UPP2: variants seen among roughly 807,000 people sequenced by gnomAD.
UPP2 encodes the protein uridine phosphorylase 2.
UPP2 carries 23 observed loss-of-function variants against 26.7 expected under a neutral mutation model. That is an observed-to-expected ratio of 0.86 (90% CI 0.62 to 1.22). The LOEUF (loss-of-function observed/expected upper bound fraction) is 1.22, where lower values mean the gene tolerates loss of function less well. Ranked by LOEUF, UPP2 falls within the 50% of genes most tolerant of loss-of-function variation. The pLI, the probability that UPP2 is intolerant of heterozygous loss-of-function variation, is 0.00. For synonymous variants in UPP2, 127 were observed against 141.3 expected, an observed-to-expected ratio of 0.90 and a Z score of 0.72; for missense variants, 387 against 396.7, an observed-to-expected ratio of 0.98 and a Z score of 0.21.
chr2:158,086,975 G>A (rs1016063987), intron 3 of UPP2, among the ~76,000 whole-genome samples: 1 of 151,956 alleles, frequency 6.6e-6, no homozygotes, highest in Non-Finnish European at 1.5e-5. Context: ...GCAGTTGTTG[G>A]GTATAATGTT....
intron 6 of UPP2, among the ~76,000 whole-genome samples, chr2:158,129,923 G>A (rs1012769097): frequency 6.6e-6 from 1 of 152,032 alleles, no homozygotes; most frequent in African/African-American, 2.4e-5. Context: ...ATACAACCAC[G>A]AATTTGTGTG....
At chr2:158,105,988 C>T (rs1044620289) in intron 1 of UPP2, 111 bp from the exon 2 acceptor site, 23 of 781,390 alleles carry the variant, frequency 2.9e-5, no homozygotes, top group Middle Eastern at 3.8e-4. Context: ...TACTACATTG[C>T]TTCTCAACAA....
chr2:158,001,792 C>T (rs906527367), intron 2 of UPP2, among the ~76,000 whole-genome samples: 2 of 151,912 alleles, frequency 1.3e-5, no homozygotes. Context: ...GATTGCTAGC[C>T]ATAGTCTGGT....
At chr2:158,013,755 T>A (rs1043462477) in intron 2 of UPP2, among the ~76,000 whole-genome samples, 6 of 152,170 alleles carry the variant, frequency 3.9e-5, no homozygotes, top group African/African-American at 1.4e-4. Flanking sequence ...AAAAACACCT[T>A]TAAGCAGCAG....
chr2:158,124,193 T>G (rs1683639144), intron 6 of UPP2, among the ~76,000 whole-genome samples: 1 of 152,190 alleles, frequency 6.6e-6, no homozygotes, highest in Non-Finnish European at 1.5e-5. Flanking sequence ...CTATTACAAT[T>G]GAATTTATTG....
rs188375060 is a variant in UPP2, at chr2:158,090,972, G to A, written c.148-11068G>A. On this transcript the variant is annotated intron_variant, in intron 3 of 9. Transcript: ENST00000605860. ...AAACTCTGTACCTTCAGTGAAAGAG[G>A]GCTAACATCCCAATGACTGTCTTGA... Among the ~76,000 whole-genome samples, 4 of 152,184 alleles carry A rather than the reference G, an allele frequency of 2.6e-5. No homozygotes were observed. In the East Asian group the frequency reaches 5.8e-4, roughly 22 times the overall value.
intron 3 of UPP2, among the ~76,000 whole-genome samples, chr2:158,093,096 T>C (rs1015904312): frequency 1.3e-5 from 2 of 152,070 alleles, no homozygotes; most frequent in Non-Finnish European, 2.9e-5. Context: ...AATTCTTGTA[T>C]TTTTAGTAGA....
intron 3 of UPP2, among the ~76,000 whole-genome samples, chr2:158,064,400 G>T (rs544998511): frequency 2.0e-5 from 3 of 151,794 alleles, no homozygotes; most frequent in Admixed American, 6.6e-5. Context: ...ATCTTCTTTT[G>T]AGAAGTGTCT....
intron 3 of UPP2, among the ~76,000 whole-genome samples, chr2:158,083,572 G>A (rs1346349438): frequency 6.6e-6 from 1 of 151,966 alleles, no homozygotes; most frequent in African/African-American, 2.4e-5. Flanking sequence ...GGGGGTTAGG[G>A]GAGGGGTAGC....
intron 3 of UPP2, among the ~76,000 whole-genome samples, chr2:158,045,241 G>C (rs564229700): frequency 6.6e-6 from 1 of 152,196 alleles, no homozygotes; most frequent in Non-Finnish European, 1.5e-5. Context: ...CTGAGGTATA[G>C]AGATGATACC....
intron 2 of UPP2, among the ~76,000 whole-genome samples, chr2:158,011,487 C>T (rs1437282470): frequency 6.6e-6 from 1 of 152,050 alleles, no homozygotes; most frequent in African/African-American, 2.4e-5. Flanking sequence ...TGAAAAAAAG[C>T]TAGGGAAGAA....
intron 3 of UPP2, among the ~76,000 whole-genome samples, chr2:158,085,873 C>A (rs1682806884): frequency 6.6e-6 from 1 of 151,848 alleles, no homozygotes; most frequent in South Asian, 2.1e-4. Flanking sequence ...GCTGGATTAT[C>A]TTTTTGATAT....
chr2:158,089,064 G>A (rs1338183837), intron 3 of UPP2, among the ~76,000 whole-genome samples: 1 of 152,104 alleles, frequency 6.6e-6, no homozygotes. Flanking sequence ...TATGTCCTTT[G>A]TCTTTGGCTA....
At chr2:158,056,296 A>G (rs1240628518) in intron 3 of UPP2, among the ~76,000 whole-genome samples, 1 of 152,090 alleles carries the variant, frequency 6.6e-6, no homozygotes, top group African/African-American at 2.4e-5. Flanking sequence ...CCCATTATTA[A>G]TATCTTATAT....
In UPP2 at chr2:158,119,395, A is replaced by G. The variant is rs570536370; in HGVS notation, c.454+1457A>G. On this transcript the variant is annotated intron_variant, in intron 4 of 6. Transcript: ENST00000005756. ...TCATTTTGAAGTTTTATCCTCATTA[A>G]GAACTCTTAGCTTACCAAAAAGATG... Among the ~76,000 whole-genome samples, 21 of 152,196 alleles carry G rather than the reference A, an allele frequency of 1.4e-4. 1 individual carries two copies. The highest frequency in any genetic ancestry group is 4.8e-4 in the African/African-American group (20 of 41,562).
intron 3 of UPP2, among the ~76,000 whole-genome samples, chr2:158,077,747 C>T (rs1437678830): frequency 6.6e-6 from 1 of 152,022 alleles, no homozygotes; most frequent in East Asian, 1.9e-4. Context: ...AAACTACAAG[C>T]ACAGGCAACC....
intron 3 of UPP2, among the ~76,000 whole-genome samples, chr2:158,057,821 G>A (rs975339444): frequency 1.3e-5 from 2 of 151,664 alleles, no homozygotes; most frequent in African/African-American, 4.9e-5. Flanking sequence ...TTTTGTAGAA[G>A]TGGGTGGCTT....
intron 2 of UPP2, among the ~76,000 whole-genome samples, chr2:158,004,340 C>T (rs897015772): frequency 3.1e-4 from 47 of 151,834 alleles, no homozygotes; most frequent in African/African-American, 1.9e-4. Flanking sequence ...GGAAACCTCC[C>T]GGTGAATAAG....
At chr2:158,078,246 A>G (rs536928167) in intron 3 of UPP2, among the ~76,000 whole-genome samples, 265 of 152,310 alleles carry the variant, frequency 1.7e-3, no homozygotes, top group African/African-American at 3.8e-3. Context: ...ACAGTAAAAT[A>G]GAGTCACCAT....
Sources: allele counts gnomAD v4.1 joint callset (sites outside exome capture counted in the v4.1 genomes callset), GRCh38; gene constraint gnomAD v4.1.1; transcripts MANE v1.5; gene names NCBI Gene and HGNC (gene_info 2026-07-23, HGNC 2026-07-21).